Variants in SETD1A observed in about 807,000 individuals in gnomAD.
SETD1A encodes the protein histone-lysine N-methyltransferase SETD1A.
Under a neutral mutation model 149.9 loss-of-function variants are expected in SETD1A, and 29 were observed. The observed-to-expected ratio is 0.19, with a 90% CI of 0.14 to 0.26. SETD1A has a LOEUF of 0.26. SETD1A is among the 10% of genes least tolerant of loss of function. The pLI, the probability that SETD1A is intolerant of heterozygous loss-of-function variation, is 1.00. For synonymous variants in SETD1A, 1,141 were observed against 968.5 expected (o/e 1.18, Z -3.31); for missense variants, 2,109 against 2,353.1 (o/e 0.90, Z 2.15).
rs1481234409 is a variant in SETD1A, at chr16:30,979,722, G to A, written c.3936G>A (p.Ala1312=). The change falls in exon 14 of 19, where the codon GCG becomes GCA. Residue 1312 remains alanine (A), a synonymous_variant. Coordinates refer to ENST00000262519, the MANE Select transcript of SETD1A (RefSeq NM_014712.3). The part of the protein sequence containing the change: ...YALAVKPTPP[A]PALRPPEPVP... ...TGGCCGTCAAGCCCACGCCCCCTGC[G>A]CCAGCCCTGCGGCCCCCGGAGCCAG... The A allele has an allele frequency of 8.1e-6, 13 of 1,600,104 alleles. No homozygotes were observed. The highest frequency in any genetic ancestry group is 3.3e-5 in the South Asian group (3 of 90,882).
At chr16:30,971,813 CTT>C in intron 13 of SETD1A, 94 bp downstream of exon 13, 1 of 1,407,450 alleles carries the variant, frequency 7.1e-7, no homozygotes, top group Non-Finnish European at 9.3e-7. Context: ...AAGTGTGTGA[CTT>C]TATTAGAAAA....
In SETD1A at chr16:30,979,382, C is replaced by T; in HGVS notation, c.3596C>T (p.Ala1199Val). ...TTTCCCGGCCCAGCCTCCCGCAAGGCTCCCCGGGGCGTGGAGCGGACCATC... is the reference window on the plus strand; with the variant it reads ...TTTCCCGGCCCAGCCTCCCGCAAGGTTCCCCGGGGCGTGGAGCGGACCATC... ...AKFPGPASRK[A>V]PRGVERTIRN... The change falls in exon 14 of 19, where the codon GCT becomes GTT. Residue 1199 changes from alanine (A) to valine (V), a missense_variant. Physicochemically the swap from Ala to Val is moderately conservative, Grantham distance 64. Around this residue, in one of 8 missense-constraint regions of SETD1A, gnomAD observed 832 missense variants for 815.6 expected, o/e 1.02. Coordinates refer to ENST00000262519, the MANE Select transcript of SETD1A (RefSeq NM_014712.3). The T allele has an allele frequency of 6.2e-7, 1 of 1,612,366 alleles. No homozygotes were observed. The highest frequency in any genetic ancestry group is 1.1e-5 in the South Asian group (1 of 90,942).
rs1249832864 is a variant in SETD1A at position 30,964,318 on chromosome 16, C to T, written c.864C>T (p.Ser288=). 9.3e-6 allele frequency: 15 copies of T among 1,612,796 alleles called. No individual in the cohort carries two copies. The highest frequency in any genetic ancestry group is 1.3e-5 in the Non-Finnish European group (15 of 1,178,962). The change falls in exon 6 of 19, where the codon TCC becomes TCT. Residue 288 remains serine, a synonymous_variant. Transcript: ENST00000262519. Reference sequence around the variant, plus strand: ...CCTACTCTCAGGACTCTGCCTACTCCAGCAGGTACAGAGCAGACCCCGCCT... The same window carrying T: ...CCTACTCTCAGGACTCTGCCTACTCTAGCAGGTACAGAGCAGACCCCGCCT... ...STPYSQDSAY[S]SSTTSTSFKP... is the part of the protein sequence containing the mutation.
At chr16:30,963,366 G>A in intron 4 of SETD1A, 67 bp from the exon 5 acceptor site, 1 of 1,445,446 alleles carries the variant, frequency 6.9e-7, no homozygotes, top group Non-Finnish European at 9.3e-7. Context: ...TGAGAAAGCA[G>A]GAATACCAGA....
chr16:30,968,128 G>C lies in SETD1A; in HGVS notation c.2770+540G>C, dbSNP rs1490277954. Among the ~76,000 whole-genome samples the C allele has an allele frequency of 2.6e-5, 4 of 152,210 alleles. No homozygotes were observed. The East Asian group carries it at 5.8e-4, about 22-fold the overall frequency. On this transcript the variant is annotated intron_variant, in intron 10 of 18. Coordinates refer to ENST00000262519, the MANE Select transcript of SETD1A (RefSeq NM_014712.3). The stretch of plus-strand genomic sequence containing the variant: ...GACATATTTAAAACTGTGTGGGCTG[G>C]GCGCAGTGGCTCCTGACTGTAATCC...
intron 13 of SETD1A, among the ~76,000 whole-genome samples, chr16:30,977,523 C>T (rs529553293): frequency 1.2e-4 from 19 of 152,352 alleles, no homozygotes; most frequent in Admixed American, 6.5e-4. Context: ...AGTGTGTGTG[C>T]AGCAGCTGTG....
rs1320434514 is a variant in SETD1A at position 30,965,752 on chromosome 16, G to T, written c.1871G>T (p.Gly624Val). The change falls in exon 8 of 19, where the codon GGT becomes GTT. Residue 624 changes from glycine to valine, a missense_variant. By Grantham distance (109) the Gly-to-Val change is moderately radical. This residue lies in a region of SETD1A where 431 missense variants were observed against 388.6 expected (regional missense o/e 1.11). Coordinates refer to ENST00000262519, the MANE Select transcript of SETD1A (RefSeq NM_014712.3). ...PPPYLASLPL[G>V]YPPHQPAYLL... ...CCCTACCTGGCGTCCCTTCCTCTTG[G>T]TTATCCTCCCCACCAACCTGCCTAC... is the stretch of plus-strand genomic sequence containing the variant. 3 of 1,581,694 alleles carry T rather than the reference G, an allele frequency of 1.9e-6. No individual in the cohort carries two copies. The highest frequency in any genetic ancestry group is 1.7e-6 in the Non-Finnish European group (2 of 1,164,736).
Position 30,979,258 on chromosome 16 carries a change from C to T in SETD1A, c.3472C>T (p.Leu1158=). Residue 1158 remains leucine, a synonymous_variant, in exon 14 of 19, where the codon CTG becomes TTG. Coordinates refer to ENST00000262519, the MANE Select transcript of SETD1A (RefSeq NM_014712.3). ...DERPSSPIPL[L]PPPKKRRKTV... ...GCGTCCCTCTTCTCCCATCCCCCTC[C>T]TGCCCCCACCCAAGAAACGCCGGAA... The T allele has an allele frequency of 6.2e-7, 1 of 1,612,058 alleles. No individual in the cohort carries two copies. The highest frequency in any genetic ancestry group is 8.5e-7 in the Non-Finnish European group (1 of 1,178,804).
intron 17 of SETD1A, among the ~76,000 whole-genome samples, chr16:30,982,667 AGGAGAGGGTCCTTCCG>A (rs2056395931): frequency 6.6e-6 from 1 of 151,724 alleles, no homozygotes; most frequent in Non-Finnish European, 1.5e-5. Flanking sequence ...GTCCTTCCGC[AGGAGAGGGTCCTTCCG>A]CAGGAGAGGG....
chr16:30,971,975 A>T (rs1294293258), intron 13 of SETD1A, among the ~76,000 whole-genome samples: 1 of 152,190 alleles, frequency 6.6e-6, no homozygotes, highest in African/African-American at 2.4e-5. Flanking sequence ...TTCTCAAGTA[A>T]ATTAAGGAGA....
chr16:30,963,701 G>A (rs1241307298), intron 5 of SETD1A, 147 bp downstream of exon 5: 1 of 892,934 alleles, frequency 1.1e-6, no homozygotes, highest in Non-Finnish European at 1.6e-6. Context: ...TCAAAAGACA[G>A]GGAACTAGGG....
chr16:30,959,836 C>T (rs1374729315), intron 3 of SETD1A, among the ~76,000 whole-genome samples: 4 of 151,774 alleles, frequency 2.6e-5, no homozygotes, highest in African/African-American at 9.7e-5. Context: ...ATGTTGATGA[C>T]TTCCAAGTAT....
intron 13 of SETD1A, among the ~76,000 whole-genome samples, chr16:30,974,386 T>TC (rs2056259601): frequency 6.6e-6 from 1 of 151,884 alleles, no homozygotes; most frequent in Non-Finnish European, 1.5e-5. Context: ...TAGACCCAGG[T>TC]AGGCGAGTGG....
intron 3 of SETD1A, among the ~76,000 whole-genome samples, chr16:30,960,484 A>T (rs1352639774): frequency 2.6e-5 from 4 of 152,194 alleles, no homozygotes; most frequent in African/African-American, 7.2e-5. Context: ...CATACTCTGT[A>T]CAAAAGTTTC....
Position 30,980,596 on chromosome 16 carries a change from A to G in SETD1A, c.4520A>G (p.Lys1507Arg). The change falls in exon 15 of 19, where the codon AAG becomes AGG. Residue 1507 changes from lysine (K) to arginine (R), a missense_variant. Transcript: ENST00000262519. This position sits in a 1 kb window ranked among gnomAD's most constrained non-coding sequence, Gnocchi z 7.7. ...TACTACCCCATCAGCAAGAAGGAGAAGGACAAGTACCTGGACGTGTGCCCA... is the reference window on the plus strand; with the variant it reads ...TACTACCCCATCAGCAAGAAGGAGAGGGACAAGTACCTGGACGTGTGCCCA... ...EGYYPISKKEKDKYLDVCPVS... is the reference protein window; with the variant it reads ...EGYYPISKKERDKYLDVCPVS... 1 of 1,614,062 alleles carries G rather than the reference A, an allele frequency of 6.2e-7. No homozygotes were observed. The highest frequency in any genetic ancestry group is 8.5e-7 in the Non-Finnish European group (1 of 1,180,022).
rs750144023 is a variant in SETD1A at position 30,965,637 on chromosome 16, T to G, written c.1756T>G (p.Ser586Ala). ...CTCTTCTGGAGACGACATGGAGATC[T>G]CCGACGACGACCGGGGTGGCTCACC... Reference protein sequence around the residue: ...PCSSGDDMEISDDDRGGSPPP... With the variant: ...PCSSGDDMEIADDDRGGSPPP... Residue 586 changes from serine (S) to alanine (A), a missense_variant, in exon 8 of 19, where the codon TCC (serine) becomes GCC (alanine). Coordinates refer to ENST00000262519, the MANE Select transcript of SETD1A (RefSeq NM_014712.3). 13 of 1,610,772 alleles carry G rather than the reference T, an allele frequency of 8.1e-6. No homozygotes were observed. Among genetic ancestry groups the G allele is most frequent in the Admixed American group, 1.7e-5 (1 of 59,708 alleles).
Position 30,964,801 on chromosome 16 carries a change from C to T in SETD1A, c.1059C>T (p.Ser353=), listed in dbSNP as rs768709539. 1 of 1,614,180 alleles carries T rather than the reference C, an allele frequency of 6.2e-7. No individual in the cohort carries two copies. The highest frequency in any genetic ancestry group is 8.5e-7 in the Non-Finnish European group (1 of 1,180,004). The stretch of plus-strand genomic sequence containing the variant: ...CCTCGTCCTCCTCGTCATCCTCTTC[C>T]TCCTCGTCCTCTCAGTTTCGTAGTT... The part of the protein sequence containing the change: ...SLSSSSSSSS[S]SSSSQFRSSD... The change falls in exon 7 of 19, where the codon TCC becomes TCT. Residue 353 remains serine (S), a synonymous_variant. Coordinates refer to ENST00000262519, the MANE Select transcript of SETD1A (RefSeq NM_014712.3).
At chr16:30,973,212 C>T (rs1350950474) in intron 13 of SETD1A, among the ~76,000 whole-genome samples, 1 of 152,100 alleles carries the variant, frequency 6.6e-6, no homozygotes, top group Non-Finnish European at 1.5e-5. Flanking sequence ...AAGTAGAAAC[C>T]CATCAGAGGA....
At chr16:30,959,066 T>C (rs762452528) in intron 2 of SETD1A, 25 bp from the exon 3 acceptor site, 1 of 1,570,588 alleles carries the variant, frequency 6.4e-7, no homozygotes, top group Non-Finnish European at 8.8e-7. Context: ...CTGAGCTCTC[T>C]TTCTGCTGCT....
Sources: allele counts gnomAD v4.1 joint callset (sites outside exome capture counted in the v4.1 genomes callset), GRCh38; gene constraint gnomAD v4.1.1; regional missense constraint gnomAD v4.1.1; non-coding constraint Gnocchi (gnomAD v3.1); transcripts MANE v1.5; gene names NCBI Gene and HGNC (gene_info 2026-07-23, HGNC 2026-07-21).